Variants in ACOXL observed in about 807,000 individuals in gnomAD.
ACOXL encodes acyl-coenzyme A oxidase-like protein.
In ACOXL, 70 loss-of-function variants were observed where a neutral mutation model predicts 71.9. The observed-to-expected ratio is 0.97, with a 90% CI of 0.80 to 1.19. ACOXL has a LOEUF of 1.19. Ranked by LOEUF, ACOXL falls within the 50% of genes most tolerant of loss-of-function variation. ACOXL has a pLI of 0.00. For missense variants in ACOXL, 703 were observed against 736.3 expected, an observed-to-expected ratio of 0.95 and a Z score of 0.52; for synonymous variants, 253 against 281.6, an observed-to-expected ratio of 0.90 and a Z score of 1.02.
At chr2:111,022,261 A>C (rs2064797586) in intron 14 of ACOXL, among the ~76,000 whole-genome samples, 1 of 152,210 alleles carries the variant, frequency 6.6e-6, no homozygotes, top group South Asian at 2.1e-4. Flanking sequence ...GCTACTTGGG[A>C]GGCCAAGGCT....
intron 12 of ACOXL, among the ~76,000 whole-genome samples, chr2:110,942,999 A>G (rs1224497691): frequency 3.6e-5 from 5 of 140,810 alleles, no homozygotes; most frequent in South Asian, 2.3e-4. Flanking sequence ...GGGAGGGAGG[A>G]AGGAAGGAAA....
chr2:111,115,583 G>A (rs1350397681), intron 17 of ACOXL: 1 of 152,116 alleles, frequency 6.6e-6, no homozygotes, highest in East Asian at 1.9e-4. Flanking sequence ...AGAGGTGGGT[G>A]GGTACCTGGA....
intron 10 of ACOXL, among the ~76,000 whole-genome samples, chr2:110,844,613 T>G (rs35595659): frequency 0.087 from 13,151 of 151,048 alleles, 708 homozygotes; most frequent in Admixed American, 0.16. Context: ...AGTGGCATGA[T>G]CTTGGCTCAC....
intron 10 of ACOXL, among the ~76,000 whole-genome samples, chr2:110,852,935 G>A (rs569545714): frequency 6.6e-6 from 1 of 152,286 alleles, no homozygotes; most frequent in Admixed American, 6.5e-5. Flanking sequence ...GCCCATGGTG[G>A]GTGAAGATGG....
chr2:110,976,794 G>A (rs2062463503), intron 12 of ACOXL, among the ~76,000 whole-genome samples: 1 of 152,140 alleles, frequency 6.6e-6, no homozygotes, highest in Non-Finnish European at 1.5e-5. Flanking sequence ...TGATGGAAAA[G>A]GCATGTTTCT....
rs2070499556 is a variant in ACOXL at position 111,118,527 on chromosome 2, A to G, written c.*711A>G. Among the ~76,000 whole-genome samples, 1 of 152,220 alleles carries G rather than the reference A, an allele frequency of 6.6e-6. No individual in the cohort carries two copies. The highest frequency in any genetic ancestry group is 2.1e-4 in the South Asian group (1 of 4,836). ...GAAGAGAATAGGTGAAAAGTTTAAT[A>G]AAGAAATTAAGCGATGTGGAAGTCG... On this transcript the variant is annotated 3_prime_UTR_variant, in exon 18 of 18. Coordinates refer to ENST00000439055, the MANE Select transcript of ACOXL (RefSeq NM_001142807.4).
chr2:110,825,044 A>G (rs998693821), intron 9 of ACOXL, among the ~76,000 whole-genome samples: 5 of 152,202 alleles, frequency 3.3e-5, no homozygotes, highest in East Asian at 1.9e-4. Context: ...TCTCAGTTCA[A>G]TTCTTTAAGC....
intron 9 of ACOXL, among the ~76,000 whole-genome samples, chr2:110,838,849 C>T (rs1255693676): frequency 1.3e-5 from 2 of 152,230 alleles, no homozygotes; most frequent in Non-Finnish European, 2.9e-5. Flanking sequence ...GCTTTCCCCC[C>T]TCCCCAGTTG....
At chr2:111,107,598 C>T (rs1024410260) in intron 17 of ACOXL, among the ~76,000 whole-genome samples, 1 of 152,184 alleles carries the variant, frequency 6.6e-6, no homozygotes, top group African/African-American at 2.4e-5. Flanking sequence ...AAGTGATTCT[C>T]TTGCCTCAGT....
intron 17 of ACOXL, among the ~76,000 whole-genome samples, chr2:111,116,224 CTT>C (rs2070343921): frequency 6.6e-6 from 1 of 152,218 alleles, no homozygotes; most frequent in Non-Finnish European, 1.5e-5. Context: ...TAATTACAAA[CTT>C]TGAAATCTTG....
At chr2:111,056,339 G>A (rs773727718) in intron 16 of ACOXL, among the ~76,000 whole-genome samples, 2 of 152,024 alleles carry the variant, frequency 1.3e-5, no homozygotes, top group Admixed American at 6.6e-5. Context: ...CACTCCTAGA[G>A]GTCCCCTGCA....
At chr2:110,815,954 C>T (rs1375847754) in intron 9 of ACOXL, among the ~76,000 whole-genome samples, 2 of 152,062 alleles carry the variant, frequency 1.3e-5, no homozygotes, top group African/African-American at 2.4e-5. Flanking sequence ...TTAGTAAGCA[C>T]TCAGTGAATG....
chr2:111,024,695 G>A (rs1028498563), intron 14 of ACOXL, among the ~76,000 whole-genome samples: 6 of 152,122 alleles, frequency 3.9e-5, no homozygotes, highest in Admixed American at 3.3e-4. Context: ...AAGCAGGTAG[G>A]TGCAGAAAGG....
chr2:110,817,540 C>T (rs1038416723), intron 9 of ACOXL, among the ~76,000 whole-genome samples: 11 of 152,328 alleles, frequency 7.2e-5, no homozygotes, highest in African/African-American at 2.6e-4. Flanking sequence ...GTGCTTCTTG[C>T]TTGGGTAACT....
At chr2:110,858,043 A>G (rs1014055611) in intron 10 of ACOXL, among the ~76,000 whole-genome samples, 1 of 152,166 alleles carries the variant, frequency 6.6e-6, no homozygotes, top group Admixed American at 6.6e-5. Context: ...AGGGTACCTT[A>G]AAGTGCATCT....
At chr2:110,987,057 C>T in intron 12 of ACOXL, 51 bp from the exon 13 acceptor site, 1 of 1,443,962 alleles carries the variant, frequency 6.9e-7, no homozygotes, top group Non-Finnish European at 9.5e-7. Context: ...ATTAAAGATA[C>T]TGTCATTTTT....
intron 10 of ACOXL, among the ~76,000 whole-genome samples, chr2:110,875,741 C>T (rs917689396): frequency 4.6e-5 from 7 of 152,114 alleles, no homozygotes; most frequent in East Asian, 1.9e-4. Context: ...CAGGGAAGGC[C>T]GCCTGACCTC....
intron 11 of ACOXL, among the ~76,000 whole-genome samples, chr2:110,928,586 C>A (rs1031389803): frequency 3.3e-5 from 5 of 152,164 alleles, no homozygotes; most frequent in Admixed American, 1.3e-4. Flanking sequence ...ACAAAATAAA[C>A]TTTTATAAAT....
chr2:110,949,686 A>C (rs1445987388), intron 12 of ACOXL, among the ~76,000 whole-genome samples: 1 of 152,152 alleles, frequency 6.6e-6, no homozygotes, highest in Non-Finnish European at 1.5e-5. Flanking sequence ...CATTCTCTTG[A>C]GTCCCTGCTA....
Sources: gnomAD v4.1 joint callset for allele counts (sites outside exome capture counted in the v4.1 genomes callset) on GRCh38, gnomAD v4.1.1 for gene constraint, MANE v1.5 for transcripts, NCBI Gene and HGNC (gene_info 2026-07-23, HGNC 2026-07-21) for gene names.